The following TRPV4 variants were observed in gnomAD, a reference collection of about 807,000 sequenced individuals.
The protein encoded by TRPV4 is transient receptor potential cation channel subfamily V member 4.
Under a neutral mutation model 84.1 loss-of-function variants are expected in TRPV4, and 58 were observed. The observed-to-expected ratio is 0.69, with a 90% CI of 0.56 to 0.86. The LOEUF is 0.86. Ranked by LOEUF, TRPV4 falls within the 40% of genes least tolerant of loss-of-function variation. The pLI, the probability that TRPV4 is intolerant of heterozygous loss-of-function variation, is 0.00. For missense variants in TRPV4, 879 were observed against 1,181.1 expected (o/e 0.74, Z 3.75); for synonymous variants, 489 against 500.9 (o/e 0.98, Z 0.32).
At chr12:109,830,544 T>C (rs954963012) in intron 1 of TRPV4, among the ~76,000 whole-genome samples, 2 of 152,212 alleles carry the variant, frequency 1.3e-5, no homozygotes, top group Non-Finnish European at 2.9e-5. Context: ...AGGTGAATTC[T>C]GCTCCAAATG....
rs533929856 is a variant in TRPV4, at chr12:109,786,899, G to C, written c.2209-62C>G. ...CCTCACAGCCTGCGCCTGCCGCTCTGGTGGCAGAAATGAGACAACGGGCCA... is the reference window on the plus strand; with the variant it reads ...CCTCACAGCCTGCGCCTGCCGCTCTCGTGGCAGAAATGAGACAACGGGCCA... On this transcript the variant is annotated intron_variant, in intron 13 of 15. Coordinates refer to ENST00000261740, the MANE Select transcript of TRPV4 (RefSeq NM_021625.5). The surrounding 1 kb of genome is among the most constrained non-coding windows in gnomAD (Gnocchi z 4.5). 44 of 1,608,552 alleles carry C rather than the reference G, an allele frequency of 2.7e-5. No homozygotes were observed. The highest frequency in any genetic ancestry group is 3.7e-5 in the Non-Finnish European group (43 of 1,176,786).
rs114829048 is a variant in TRPV4 at position 109,792,443 on chromosome 12, C to A, written c.1825-14G>T. ...CTTGAAGAGAATCTAAAGACCCCAG[C>A]GGGATTATGGAGGCAAAGAGGAGAC... On this transcript the variant is annotated splice_polypyrimidine_tract_variant and intron_variant, in intron 11 of 15. Coordinates refer to ENST00000261740, the MANE Select transcript of TRPV4 (RefSeq NM_021625.5). The A allele has an allele frequency of 2.5e-6, 4 of 1,613,562 alleles. No individual in the cohort carries two copies. The highest frequency in any genetic ancestry group is 3.4e-6 in the Non-Finnish European group (4 of 1,179,700).
chr12:109,825,537 C>T (rs370216297), intron 1 of TRPV4, among the ~76,000 whole-genome samples: 101 of 152,238 alleles, frequency 6.6e-4, no homozygotes, highest in African/African-American at 2.3e-3. Context: ...CAGAACTGGG[C>T]AGGCACTGGA....
intron 1 of TRPV4, among the ~76,000 whole-genome samples, chr12:109,823,521 G>T (rs910881045): frequency 6.6e-6 from 1 of 152,206 alleles, no homozygotes; most frequent in Admixed American, 6.5e-5. Context: ...AAGCGGTGTG[G>T]CTTAATGGTT....
At chr12:109,788,066 C>T (rs1431191064) in intron 13 of TRPV4, among the ~76,000 whole-genome samples, 1 of 152,190 alleles carries the variant, frequency 6.6e-6, no homozygotes, top group Non-Finnish European at 1.5e-5. Context: ...AGCGTGGGAC[C>T]CCTGCTGAAA....
At chr12:109,802,034 TATC>T (rs1300325887) in intron 4 of TRPV4, among the ~76,000 whole-genome samples, 1 of 152,084 alleles carries the variant, frequency 6.6e-6, no homozygotes, top group Non-Finnish European at 1.5e-5. Context: ...CAGGACTTAT[TATC>T]ATAGAGCCTT....
intron 8 of TRPV4, 80 bp from the exon 9 acceptor site, chr12:109,794,102 C>T (rs1478307779): frequency 1.6e-5 from 21 of 1,294,706 alleles, no homozygotes; most frequent in Non-Finnish European, 1.2e-5. Flanking sequence ...CCCCCAGGCC[C>T]GAAACATCGG....
Position 109,814,938 on chromosome 12 carries a change from C to A in TRPV4, c.-31-111G>T. 1 of 1,077,800 alleles carries A rather than the reference C, an allele frequency of 9.3e-7. No individual in the cohort carries two copies. Among genetic ancestry groups the A allele is most frequent in the Non-Finnish European group, 1.3e-6 (1 of 756,824 alleles). 66.8% of individuals were successfully genotyped at this position (1,077,800 alleles called of 1,614,324 possible). A position where few individuals can be genotyped will look rare whatever the true frequency, so the allele number is the denominator to read the frequency against. On this transcript the variant is annotated intron_variant, in intron 1 of 15. Transcript: ENST00000261740. This position sits in a 1 kb window ranked among gnomAD's most constrained non-coding sequence, Gnocchi z 5.4. Reference sequence around the variant, plus strand: ...GTGCTGCCAGCTGCTTCAAAGCCACCGTTGTAATGACAGGGGCACAGGGAG... The same window carrying A: ...GTGCTGCCAGCTGCTTCAAAGCCACAGTTGTAATGACAGGGGCACAGGGAG...
intron 2 of TRPV4, among the ~76,000 whole-genome samples, chr12:109,813,594 G>A (rs1891660560): frequency 6.6e-6 from 1 of 151,630 alleles, no homozygotes; most frequent in South Asian, 2.1e-4. Context: ...GTGGGTGGAT[G>A]GATGAATGGA....
rs1416476726 is a variant in TRPV4 at position 109,814,763 on chromosome 12, G to T, written c.34C>A (p.Pro12Thr). ...ADSSEGPRAG[P>T]GEVAELPGDE... ...CCGGGGAGCTCAGCCACCTCCCCGGGCCCCGCGCGGGGGCCTTCGCTGGAA... is the reference window on the plus strand; with the variant it reads ...CCGGGGAGCTCAGCCACCTCCCCGGTCCCCGCGCGGGGGCCTTCGCTGGAA... The change falls in exon 2 of 16, where the codon CCC (proline) becomes ACC (threonine). Residue 12 changes from proline (P) to threonine (T), a missense_variant. Coordinates refer to ENST00000261740, the MANE Select transcript of TRPV4 (RefSeq NM_021625.5). The surrounding 1 kb of genome is among the most constrained non-coding windows in gnomAD (Gnocchi z 5.4). 6.4e-7 allele frequency: 1 copy of T among 1,559,154 alleles called. No homozygotes were observed. Among genetic ancestry groups the T allele is most frequent in the Non-Finnish European group, 8.7e-7 (1 of 1,154,692 alleles).
At chr12:109,830,496 C>G (rs78325137) in intron 1 of TRPV4, among the ~76,000 whole-genome samples, 172 of 152,318 alleles carry the variant, frequency 1.1e-3, no homozygotes, top group African/African-American at 4.0e-3. Context: ...TTCATAACAG[C>G]AGCCACTTAT....
Position 109,796,448 on chromosome 12 carries a change from C to A in TRPV4, c.1332+77G>T. The A allele has an allele frequency of 6.4e-7, 1 of 1,565,310 alleles. No homozygotes were observed. The highest frequency in any genetic ancestry group is 8.7e-7 in the Non-Finnish European group (1 of 1,147,944). On this transcript the variant is annotated intron_variant, in intron 7 of 15. Coordinates refer to ENST00000261740, the MANE Select transcript of TRPV4 (RefSeq NM_021625.5). This position sits in a 1 kb window ranked among gnomAD's most constrained non-coding sequence, Gnocchi z 4.2. ...TAGAGGCTGGGGCTGTCTCCCCCAG[C>A]CCAGCCCCAGGGCCCTGTCCCTACT... is the stretch of plus-strand genomic sequence containing the variant.
chr12:109,807,133 G>A (rs900582972), intron 3 of TRPV4, among the ~76,000 whole-genome samples: 9 of 151,548 alleles, frequency 5.9e-5, no homozygotes, highest in South Asian at 2.1e-4. Flanking sequence ...AAAATTAGCC[G>A]GGCGTGGTGG....
chr12:109,828,635 G>A (rs1159028419), intron 1 of TRPV4, among the ~76,000 whole-genome samples: 1 of 152,228 alleles, frequency 6.6e-6, no homozygotes, highest in African/African-American at 2.4e-5. Context: ...GGAGCTGGGA[G>A]GTAAGCTAAG....
At chr12:109,828,483 A>AG (rs138007888) in intron 1 of TRPV4, among the ~76,000 whole-genome samples, 2,025 of 152,282 alleles carry the variant, frequency 0.013, 16 homozygotes, top group South Asian at 0.024. Context: ...AGGGCACCCG[A>AG]GGTTGAAGGA....
intron 14 of TRPV4, among the ~76,000 whole-genome samples, chr12:109,784,698 G>C (rs936444741): frequency 7.9e-5 from 12 of 151,734 alleles, no homozygotes; most frequent in Admixed American, 5.3e-4. Flanking sequence ...AAAAAAATTA[G>C]CGGGGCATGG....
intron 12 of TRPV4, among the ~76,000 whole-genome samples, chr12:109,791,368 G>T (rs1460322535): frequency 6.7e-6 from 1 of 149,498 alleles, no homozygotes; most frequent in Admixed American, 6.6e-5. Context: ...GTGACAGAGT[G>T]AGACCTTGCC....
At position 109,809,448 on chromosome 12, in the gene TRPV4, T is replaced by G. The variant is rs367839154; in HGVS notation, c.387-980A>C. 1.2e-4 allele frequency among the ~76,000 whole-genome samples: 15 copies of G among 129,750 alleles called. No individual in the cohort carries two copies. In the South Asian group the frequency reaches 4.0e-3, roughly 35 times the overall value. 85.1% of individuals were successfully genotyped at this position (129,750 alleles called of 152,430 possible). On this transcript the variant is annotated intron_variant, in intron 2 of 15. Transcript: ENST00000261740. ...CTGATCCATCCATCCATCCACCCACTCATCCATCCATCCATCCATCCATCA... is the reference window on the plus strand; with the variant it reads ...CTGATCCATCCATCCATCCACCCACGCATCCATCCATCCATCCATCCATCA...
At position 109,783,679 on chromosome 12, in the gene TRPV4, C is replaced by T. The variant is rs771139646; in HGVS notation, c.2558G>A (p.Cys853Tyr). ...GGGGTAACCCTGCTGGTGGCCATCG[C>T]AGCGGGGGTTCCCCATGCTGTCCAG... ...VPLDSMGNPR[C>Y]DGHQQGYPRK... Residue 853 changes from cysteine (C) to tyrosine (Y), a missense_variant, in exon 16 of 16, where the codon TGC (cysteine) becomes TAC (tyrosine). By Grantham distance (194) the Cys-to-Tyr change is radical. Around this residue, in one of 4 missense-constraint regions of TRPV4, gnomAD observed 242 missense variants for 355.3 expected, o/e 0.68. Coordinates refer to ENST00000261740, the MANE Select transcript of TRPV4 (RefSeq NM_021625.5). This position sits in a 1 kb window ranked among gnomAD's most constrained non-coding sequence, Gnocchi z 4.6. 6.2e-6 allele frequency: 10 copies of T among 1,613,824 alleles called. No homozygotes were observed. In the South Asian group the frequency reaches 9.9e-5, roughly 16 times the overall value.
Sources: allele counts gnomAD v4.1 joint callset (sites outside exome capture counted in the v4.1 genomes callset), GRCh38; gene constraint gnomAD v4.1.1; regional missense constraint gnomAD v4.1.1; non-coding constraint Gnocchi (gnomAD v3.1); transcripts MANE v1.5; gene names NCBI Gene and HGNC (gene_info 2026-07-23, HGNC 2026-07-21).